The following FTO variants were observed in gnomAD, a reference collection of about 807,000 sequenced individuals.
The protein encoded by FTO is FTO alpha-ketoglutarate dependent dioxygenase, also known as alpha-ketoglutarate-dependent dioxygenase FTO.
In FTO, 47 loss-of-function variants were observed where a neutral mutation model predicts 63.9. That is an observed-to-expected ratio of 0.74 (90% confidence interval 0.58 to 0.94). FTO has a LOEUF of 0.94. Among genes scored for constraint, FTO ranks in the 40% least tolerant of loss-of-function variants. The pLI is 0.00. For synonymous variants in FTO, 207 were observed against 224.4 expected, an observed-to-expected ratio of 0.92 and a Z score of 0.69; for missense variants, 562 against 618.1, an observed-to-expected ratio of 0.91 and a Z score of 0.96.
In FTO at chr16:53,949,697, C is replaced by CA. The variant is rs11344563; in HGVS notation, c.1364+15605dup. ...TGCATTTATGGATTTGCAGTTTGTG[C>CA]AAAAAAAAAAAAAAAAACCCAGTGA... is the stretch of plus-strand genomic sequence containing the variant. On this transcript the variant is annotated intron_variant, in intron 8 of 8. Transcript: ENST00000471389. Among the ~76,000 whole-genome samples the CA allele has an allele frequency of 4.7e-3, 609 of 130,086 alleles. 5 individuals are homozygous for CA. The highest frequency in any genetic ancestry group is 0.021 in the East Asian group (76 of 3,682). 85.3% of individuals were successfully genotyped at this position (130,086 alleles called of 152,430 possible).
At chr16:53,829,948 A>G (rs748720034) in intron 3 of FTO, among the ~76,000 whole-genome samples, 7 of 151,864 alleles carry the variant, frequency 4.6e-5, no homozygotes, top group Non-Finnish European at 7.4e-5. Context: ...GTTCCTTGCC[A>G]CTGGAGAGGT....
At chr16:54,060,927 C>T (rs75410212) in intron 8 of FTO, among the ~76,000 whole-genome samples, 94 of 152,302 alleles carry the variant, frequency 6.2e-4, no homozygotes, top group East Asian at 5.2e-3. Context: ...GAGAAAATTT[C>T]GCCCTGGCCC....
chr16:53,825,309 G>T (rs1003969928), intron 2 of FTO, among the ~76,000 whole-genome samples: 1 of 152,156 alleles, frequency 6.6e-6, no homozygotes, highest in African/African-American at 2.4e-5. Flanking sequence ...GAAGCCAGGG[G>T]TTGGTGTCCA....
chr16:54,048,126 T>TAAAAAAAAAAAAAAAAAAA (rs71380060), intron 8 of FTO, among the ~76,000 whole-genome samples: 1 of 56,470 alleles, frequency 1.8e-5, no homozygotes, highest in East Asian at 5.2e-4. Context: ...AAAAAAAAAT[T>TAAAAAAAAAAAAAAAAAAA]AAAAAAAAAA....
intron 8 of FTO, among the ~76,000 whole-genome samples, chr16:54,007,469 T>G (rs2084235386): frequency 6.6e-6 from 1 of 152,216 alleles, no homozygotes; most frequent in Non-Finnish European, 1.5e-5. Flanking sequence ...TTGGCTCTTT[T>G]GTAAAATGGA....
intron 1 of FTO, among the ~76,000 whole-genome samples, chr16:53,714,842 CAG>C (rs2075856221): frequency 6.6e-6 from 1 of 152,022 alleles, no homozygotes; most frequent in Admixed American, 6.6e-5. Context: ...GATGAGTAGC[CAG>C]TGTTCCCAGC....
intron 8 of FTO, among the ~76,000 whole-genome samples, chr16:53,983,596 G>A (rs561771117): frequency 4.8e-4 from 65 of 136,462 alleles, no homozygotes; most frequent in African/African-American, 1.1e-3. Flanking sequence ...CAATTAATTC[G>A]AATTCACAAA....
chr16:53,779,974 C>T (rs2077548333), intron 1 of FTO, among the ~76,000 whole-genome samples: 1 of 152,184 alleles, frequency 6.6e-6, no homozygotes, highest in Non-Finnish European at 1.5e-5. Context: ...ATGTGGCCTC[C>T]CTACTTCAAG....
chr16:53,747,450 C>T (rs1353837665), intron 1 of FTO, among the ~76,000 whole-genome samples: 3 of 152,122 alleles, frequency 2.0e-5, no homozygotes, highest in Non-Finnish European at 4.4e-5. Context: ...TAATGTTGAG[C>T]ATTTTTTTCA....
chr16:54,079,532 C>T (rs376836407), intron 8 of FTO, among the ~76,000 whole-genome samples: 2 of 152,142 alleles, frequency 1.3e-5, no homozygotes, highest in African/African-American at 2.4e-5. Flanking sequence ...GATTGGGAAA[C>T]GCATGAGACT....
At chr16:53,959,269 T>C (rs1221645436) in intron 8 of FTO, among the ~76,000 whole-genome samples, 1 of 152,160 alleles carries the variant, frequency 6.6e-6, no homozygotes, top group Non-Finnish European at 1.5e-5. Flanking sequence ...AGTGGTTCTG[T>C]AATTTTAGCA....
chr16:54,117,220 GT>G lies in FTO; in HGVS notation c.*5307del, dbSNP rs2086979951. The G allele has an allele frequency of 6.6e-6, 1 of 152,134 alleles. No individual in the cohort carries two copies. Among genetic ancestry groups the G allele is most frequent in the Non-Finnish European group, 1.5e-5 (1 of 68,022 alleles). The allele number at this position is 152,134 out of a possible 1,614,324, so 9.4% of individuals were successfully genotyped here. On this transcript the variant is annotated 3_prime_UTR_variant, in exon 9 of 9. Coordinates refer to ENST00000471389, the MANE Select transcript of FTO (RefSeq NM_001080432.3). The stretch of plus-strand genomic sequence containing the variant: ...GAATAGTAGTAATCCATCACCTAAG[GT>G]TGTTGTGAAGGTTCAATAAGTTAAT...
rs574834567 is a variant in FTO, at chr16:54,121,797, T to A, written c.*9882T>A. ...AGGGCTGACTAAAGGGTGTCCTATT[T>A]ATAAGTCAGTAAAACACAGCGGCTT... On this transcript the variant is annotated 3_prime_UTR_variant, in exon 9 of 9. Transcript: ENST00000471389. 6.6e-6 allele frequency: 1 copy of A among 152,254 alleles called. No individual in the cohort carries two copies. The highest frequency in any genetic ancestry group is 2.1e-4 in the South Asian group (1 of 4,806). 9.4% of individuals were successfully genotyped at this position (152,254 alleles called of 1,614,324 possible). A position where few individuals can be genotyped will look rare whatever the true frequency, so the allele number is the denominator to read the frequency against.
intron 8 of FTO, among the ~76,000 whole-genome samples, chr16:54,054,990 G>T (rs1475478370): frequency 6.6e-6 from 1 of 152,160 alleles, no homozygotes; most frequent in African/African-American, 2.4e-5. Context: ...TGAACTCAGG[G>T]TGCATTATTT....
At chr16:54,075,628 T>G (rs1468389504) in intron 8 of FTO, among the ~76,000 whole-genome samples, 1 of 152,202 alleles carries the variant, frequency 6.6e-6, no homozygotes, top group Non-Finnish European at 1.5e-5. Flanking sequence ...ACAGAAATAT[T>G]TTACTAGTTT....
chr16:53,977,886 T>G (rs1312343525), intron 8 of FTO, among the ~76,000 whole-genome samples: 1 of 148,456 alleles, frequency 6.7e-6, no homozygotes, highest in Non-Finnish European at 1.5e-5. Context: ...ATAGACAGGG[T>G]CTTGCTTTGG....
At chr16:54,093,469 G>T (rs779853909) in intron 8 of FTO, among the ~76,000 whole-genome samples, 1 of 152,194 alleles carries the variant, frequency 6.6e-6, no homozygotes, top group Non-Finnish European at 1.5e-5. Context: ...GGGGCAGGAG[G>T]TCACAGCAGC....
chr16:53,961,345 A>G (rs1011157142), intron 8 of FTO, among the ~76,000 whole-genome samples: 2 of 152,216 alleles, frequency 1.3e-5, no homozygotes, highest in Non-Finnish European at 2.9e-5. Context: ...AGCTAGTAGC[A>G]GCATGTCTCC....
chr16:53,996,020 G>C (rs918512131), intron 8 of FTO, among the ~76,000 whole-genome samples: 9 of 152,180 alleles, frequency 5.9e-5, no homozygotes, highest in Non-Finnish European at 1.0e-4. Flanking sequence ...GAGGCTTCCT[G>C]CCTTTGCACA....
Sources: gnomAD v4.1 joint callset for allele counts (sites outside exome capture counted in the v4.1 genomes callset) on GRCh38, gnomAD v4.1.1 for gene constraint, MANE v1.5 for transcripts, NCBI Gene and HGNC (gene_info 2026-07-23, HGNC 2026-07-21) for gene names.